Variants in EDIL3 observed in about 807,000 individuals in gnomAD.
EDIL3 encodes EGF-like repeat and discoidin I-like domain-containing protein 3.
A neutral mutation model predicts 67.4 loss-of-function variants in EDIL3; 37 were observed. The observed-to-expected ratio is 0.55, with a 90% CI of 0.42 to 0.72. The LOEUF is 0.72. Ranked by LOEUF, EDIL3 falls within the 30% of genes least tolerant of loss-of-function variation. EDIL3 has a pLI of 0.00. For synonymous variants in EDIL3, 195 were observed against 196.3 expected (o/e 0.99, Z 0.05); for missense variants, 527 against 586.3 (o/e 0.90, Z 1.04).
intron 4 of EDIL3, among the ~76,000 whole-genome samples, chr5:84,176,225 ATAAT>A (rs1429566454): frequency 7.4e-6 from 1 of 134,408 alleles, no homozygotes; most frequent in Non-Finnish European, 1.6e-5. Context: ...ATATATATAT[ATAAT>A]ATATTGTATG....
intron 9 of EDIL3, among the ~76,000 whole-genome samples, chr5:84,059,100 A>C (rs564985415): frequency 1.3e-5 from 2 of 152,188 alleles, no homozygotes; most frequent in African/African-American, 4.8e-5. Flanking sequence ...GGCCAACTGA[A>C]GAAAAAACTG....
intron 6 of EDIL3, among the ~76,000 whole-genome samples, chr5:84,094,161 C>T (rs966564701): frequency 6.6e-6 from 1 of 152,148 alleles, no homozygotes; most frequent in Admixed American, 6.5e-5. Flanking sequence ...ATTAAGACAT[C>T]TTTACTTAAT....
chr5:84,272,527 G>GTA (rs1051994801), intron 1 of EDIL3, among the ~76,000 whole-genome samples: 68 of 152,014 alleles, frequency 4.5e-4, no homozygotes, highest in African/African-American at 1.5e-3. Flanking sequence ...GTATGTGTAG[G>GTA]TATATATATG....
At chr5:84,208,677 C>G (rs1261292426) in intron 3 of EDIL3, among the ~76,000 whole-genome samples, 3 of 100,764 alleles carry the variant, frequency 3.0e-5, no homozygotes, top group Non-Finnish European at 5.4e-5. Context: ...CAGAGCGAGA[C>G]TCCGTCTCAA....
intron 5 of EDIL3, among the ~76,000 whole-genome samples, chr5:84,113,450 C>G (rs568287471): frequency 6.6e-6 from 1 of 152,280 alleles, no homozygotes; most frequent in East Asian, 1.9e-4. Flanking sequence ...AGTGAGTCAC[C>G]TGGCAGGTTG....
At chr5:84,380,530 A>G (rs1174547569) in intron 1 of EDIL3, among the ~76,000 whole-genome samples, 1 of 152,128 alleles carries the variant, frequency 6.6e-6, no homozygotes, top group Non-Finnish European at 1.5e-5. Context: ...GAAGAGATAC[A>G]ATGAACCTAT....
intron 3 of EDIL3, among the ~76,000 whole-genome samples, chr5:84,207,672 C>G (rs1309164904): frequency 6.6e-6 from 1 of 151,854 alleles, no homozygotes; most frequent in African/African-American, 2.4e-5. Flanking sequence ...GTAACCAAAA[C>G]AGCATGGTAC....
Position 84,180,529 on chromosome 5 carries a change from A to G in EDIL3, c.227-8T>C. On this transcript the variant is annotated splice_polypyrimidine_tract_variant and splice_region_variant and intron_variant, in intron 3 of 10. Coordinates refer to ENST00000296591, the MANE Select transcript of EDIL3 (RefSeq NM_005711.5). ...GATTAGGAGTGCAGGGACCTGAAAG[A>G]CAGAAAAAAATATTTCTGCTTGATG... The G allele has an allele frequency of 6.4e-7, 1 of 1,559,368 alleles. No homozygotes were observed. The highest frequency in any genetic ancestry group is 8.6e-7 in the Non-Finnish European group (1 of 1,159,236).
At chr5:84,218,081 C>G (rs1413531946) in intron 3 of EDIL3, among the ~76,000 whole-genome samples, 1 of 152,054 alleles carries the variant, frequency 6.6e-6, no homozygotes, top group African/African-American at 2.4e-5. Context: ...AACATTATAA[C>G]AGAAGTTTTA....
In EDIL3 at chr5:84,180,555, C is replaced by T; in HGVS notation, c.227-34G>A. The T allele has an allele frequency of 2.6e-6, 4 of 1,525,880 alleles. No individual in the cohort carries two copies. In the East Asian group the frequency reaches 7.1e-5, roughly 27 times the overall value. The allele number at this position is 1,525,880 out of a possible 1,614,324, so 94.5% of individuals were successfully genotyped here. ...CAGAAAAAAATATTTCTGCTTGATGCATATTCTTAAAAGTAGACATTAGGT... is the reference window on the plus strand; with the variant it reads ...CAGAAAAAAATATTTCTGCTTGATGTATATTCTTAAAAGTAGACATTAGGT... On this transcript the variant is annotated intron_variant, in intron 3 of 10. Coordinates refer to ENST00000296591, the MANE Select transcript of EDIL3 (RefSeq NM_005711.5).
intron 1 of EDIL3, among the ~76,000 whole-genome samples, chr5:84,325,102 C>T (rs1746729782): frequency 6.6e-6 from 1 of 151,674 alleles, no homozygotes; most frequent in Admixed American, 6.6e-5. Flanking sequence ...ACATGAAAGG[C>T]ACAGACATCA....
intron 3 of EDIL3, among the ~76,000 whole-genome samples, chr5:84,207,845 T>C (rs1423140897): frequency 6.6e-6 from 1 of 151,620 alleles, no homozygotes; most frequent in African/African-American, 2.4e-5. Flanking sequence ...GCTAGCCATA[T>C]GTAGAAAGCT....
intron 6 of EDIL3, among the ~76,000 whole-genome samples, chr5:84,094,791 T>C (rs975022100): frequency 1.3e-5 from 2 of 152,234 alleles, no homozygotes; most frequent in South Asian, 2.1e-4. Flanking sequence ...ACATTAACTA[T>C]AATTTTCTTA....
intron 9 of EDIL3, among the ~76,000 whole-genome samples, chr5:83,990,558 T>G (rs1261310416): frequency 6.7e-6 from 1 of 149,366 alleles, no homozygotes; most frequent in Non-Finnish European, 1.5e-5. Flanking sequence ...GAAGACTTGG[T>G]GAAATGATTA....
intron 9 of EDIL3, among the ~76,000 whole-genome samples, chr5:84,031,134 T>C (rs1212908936): frequency 6.6e-6 from 1 of 152,126 alleles, no homozygotes; most frequent in East Asian, 1.9e-4. Context: ...CTTAACCTTA[T>C]GACATCATTT....
chr5:84,097,489 T>A (rs189952568), intron 6 of EDIL3, among the ~76,000 whole-genome samples: 1 of 152,308 alleles, frequency 6.6e-6, no homozygotes, highest in African/African-American at 2.4e-5. Flanking sequence ...TTGGATATAA[T>A]ATAATTCAAA....
intron 9 of EDIL3, among the ~76,000 whole-genome samples, chr5:84,053,893 G>A (rs1290360547): frequency 6.6e-6 from 1 of 152,134 alleles, no homozygotes; most frequent in Non-Finnish European, 1.5e-5. Context: ...GGAGGAGATG[G>A]TACCATTCCT....
chr5:84,002,921 T>G (rs1445123335), intron 9 of EDIL3, among the ~76,000 whole-genome samples: 2 of 152,148 alleles, frequency 1.3e-5, no homozygotes, highest in Non-Finnish European at 2.9e-5. Context: ...GGCCCCTGGT[T>G]TGGGCCCACA....
At chr5:84,215,597 G>A (rs1744212789) in intron 3 of EDIL3, among the ~76,000 whole-genome samples, 1 of 152,254 alleles carries the variant, frequency 6.6e-6, no homozygotes, top group East Asian at 1.9e-4. Flanking sequence ...TTAAAAATAC[G>A]CAGGCAAAAG....
Sources: allele counts gnomAD v4.1 joint callset (sites outside exome capture counted in the v4.1 genomes callset), GRCh38; gene constraint gnomAD v4.1.1; transcripts MANE v1.5; gene names NCBI Gene and HGNC (gene_info 2026-07-23, HGNC 2026-07-21).